The following VARS2 variants were observed in gnomAD, a reference collection of about 807,000 sequenced individuals.
VARS2 encodes the protein valine--tRNA ligase, mitochondrial.
A neutral mutation model predicts 154.1 loss-of-function variants in VARS2; 105 were observed. The observed-to-expected ratio is 0.68, with a 90% confidence interval of 0.58 to 0.80. The LOEUF is 0.80. VARS2 is among the 30% of genes least tolerant of loss of function. The pLI is 0.00. For synonymous variants in VARS2, 483 were observed against 539.5 expected (o/e 0.90, Z 1.45); for missense variants, 1,157 against 1,361.4 (o/e 0.85, Z 2.36).
Position 30,915,980 on chromosome 6 carries a change from G to C in VARS2, c.507-1G>C. 4.3e-6 allele frequency: 7 copies of C among 1,614,026 alleles called. No homozygotes were observed. The highest frequency in any genetic ancestry group is 5.9e-6 in the Non-Finnish European group (7 of 1,179,906). ...CTCACAGGAGGGCATTTTTGTTGCA[G>C]GCACCGGATGCGTGGGGATCAAGTG... On this transcript the variant is annotated splice_acceptor_variant, in intron 5 of 29. Transcript: ENST00000676266. LOFTEE classifies it high-confidence loss of function.
Position 30,920,374 on chromosome 6 carries a change from G to C in VARS2, c.1335G>C (p.Val445=). Residue 445 remains valine, a synonymous_variant, in exon 14 of 30, where the codon GTG becomes GTC. Transcript: ENST00000676266. This position sits in a 1 kb window ranked among gnomAD's most constrained non-coding sequence, Gnocchi z 4.6. Reference sequence around the variant, plus strand: ...TGGCCCGGGAAAAGATAATGTCTGTGCTGAGTGAATGGGGCCTGTTCCGGG... The same window carrying C: ...TGGCCCGGGAAAAGATAATGTCTGTCCTGAGTGAATGGGGCCTGTTCCGGG... ...RFVAREKIMS[V]LSEWGLFRGL... 1.2e-6 allele frequency: 2 copies of C among 1,613,440 alleles called. No homozygotes were observed. The highest frequency in any genetic ancestry group is 1.7e-6 in the Non-Finnish European group (2 of 1,179,732).
In VARS2 at chr6:30,914,940, A is replaced by T; in HGVS notation, c.104A>T (p.His35Leu). 6.2e-7 allele frequency: 1 copy of T among 1,613,064 alleles called. No homozygotes were observed. The highest frequency in any genetic ancestry group is 8.5e-7 in the Non-Finnish European group (1 of 1,180,034). The change falls in exon 2 of 30, where the codon CAT becomes CTT. Residue 35 changes from histidine to leucine, a missense_variant. By Grantham distance (99) the His-to-Leu change is moderately conservative. Coordinates refer to ENST00000676266, the MANE Select transcript of VARS2 (RefSeq NM_020442.6). ...TCCGTTTCTACACAGTCGGAGCCCC[A>T]TGGATCTCCCATCTCCCGGAGGAAC... ...FHSVSTQSEP[H>L]GSPISRRNRE... is the part of the protein sequence containing the mutation.
In VARS2 at chr6:30,915,443, A is replaced by AC; in HGVS notation, c.374dup (p.Glu126ArgfsTer83). ...GGTGGGTACGAGAGGGCTTCTTCAAACCAGAATATCAGGTTAGTATCTGGC... is the reference window on the plus strand; with the variant it reads ...GGTGGGTACGAGAGGGCTTCTTCAAACCCAGAATATCAGGTTAGTATCTGGC... On this transcript the variant is annotated frameshift_variant, in exon 4 of 30. Coordinates refer to ENST00000676266, the MANE Select transcript of VARS2 (RefSeq NM_020442.6). LOFTEE classifies it high-confidence loss of function. The AC allele has an allele frequency of 6.2e-7, 1 of 1,614,014 alleles. No homozygotes were observed. The highest frequency in any genetic ancestry group is 8.5e-7 in the Non-Finnish European group (1 of 1,180,020).
At position 30,915,838 on chromosome 6, in the gene VARS2, G is replaced by A. The variant is rs374999734; in HGVS notation, c.477G>A (p.Thr159=). Residue 159 remains threonine, a synonymous_variant, in exon 5 of 30, where the codon ACG becomes ACA. Transcript: ENST00000676266. ...CCCTGCACATTGGCCACGCACTCAC[G>A]GTGGCCATACAGGATGCCCTCGTGC... ...TGSLHIGHAL[T]VAIQDALVRW... is the part of the protein sequence containing the mutation. 3.7e-6 allele frequency: 6 copies of A among 1,613,940 alleles called. No homozygotes were observed. The highest frequency in any genetic ancestry group is 2.2e-5 in the East Asian group (1 of 44,888).
In VARS2 at chr6:30,917,777, C is replaced by A. The variant is rs1354896197; in HGVS notation, c.956C>A (p.Ser319Tyr). The A allele has an allele frequency of 1.1e-5, 17 of 1,561,446 alleles. No individual in the cohort carries two copies. Among genetic ancestry groups the A allele is most frequent in the Non-Finnish European group, 1.5e-5 (17 of 1,152,198 alleles). The change falls in exon 10 of 30, where the codon TCT becomes TAT. Residue 319 changes from serine to tyrosine, a missense_variant. Coordinates refer to ENST00000676266, the MANE Select transcript of VARS2 (RefSeq NM_020442.6). The surrounding 1 kb of genome is among the most constrained non-coding windows in gnomAD (Gnocchi z 4.4). ...PTPVSFGLLF[S>Y]VAFPVDGEPD... The stretch of plus-strand genomic sequence containing the variant: ...CCCGTGTCTTTTGGCCTCCTATTTT[C>A]TGTTGCCTTCCCCGTGGATGGAGAG...
Position 30,917,875 on chromosome 6 carries a change from G to A in VARS2, c.985+69G>A. On this transcript the variant is annotated intron_variant, in intron 10 of 29. Transcript: ENST00000676266. This position sits in a 1 kb window ranked among gnomAD's most constrained non-coding sequence, Gnocchi z 4.4. ...TCCTGTTTTCTGAAGCCCATGTTGG[G>A]CTGCTAGGAACCCATCAGTCCATCT... 6.8e-7 allele frequency: 1 copy of A among 1,470,858 alleles called. No homozygotes were observed. Among genetic ancestry groups the A allele is most frequent in the African/African-American group, 1.4e-5 (1 of 71,548 alleles). The allele number at this position is 1,470,858 out of a possible 1,614,324, so 91.1% of individuals were successfully genotyped here.
rs375218896 is a variant in VARS2 at position 30,917,818 on chromosome 6, A to G, written c.985+12A>G. The G allele has an allele frequency of 6.4e-6, 10 of 1,550,622 alleles. No homozygotes were observed. Among genetic ancestry groups the G allele is most frequent in the African/African-American group, 1.4e-5 (1 of 72,788 alleles). On this transcript the variant is annotated intron_variant, in intron 10 of 29. Coordinates refer to ENST00000676266, the MANE Select transcript of VARS2 (RefSeq NM_020442.6). The surrounding 1 kb of genome is among the most constrained non-coding windows in gnomAD (Gnocchi z 4.4). Reference sequence around the variant, plus strand: ...GGATGGAGAGCCTGGTGAGCATAGTACTCTGCAGGGTCACCCGTTTACCTC... The same window carrying G: ...GGATGGAGAGCCTGGTGAGCATAGTGCTCTGCAGGGTCACCCGTTTACCTC...
chr6:30,925,754 T>C, intron 28 of VARS2, 35 bp downstream of exon 28: 1 of 1,610,692 alleles, frequency 6.2e-7, no homozygotes, highest in Non-Finnish European at 8.5e-7. Flanking sequence ...TAGGGCAGGC[T>C]TGGGAAGCAT....
At position 30,922,553 on chromosome 6, in the gene VARS2, A is replaced by G. The variant is rs144112557; in HGVS notation, c.2036A>G (p.Gln679Arg). 59 of 1,557,708 alleles carry G rather than the reference A, an allele frequency of 3.8e-5. No homozygotes were observed. The African/African-American group carries it at 6.6e-4, about 17-fold the overall frequency. Residue 679 changes from glutamine to arginine, a missense_variant and splice_region_variant, in exon 21 of 30, where the codon CAG (glutamine) becomes CGG (arginine). Physicochemically the swap from Gln to Arg is conservative, Grantham distance 43. Transcript: ENST00000676266. ...PRDIISGVEMQVLQEKLRSGN... is the reference protein window; with the variant it reads ...PRDIISGVEMRVLQEKLRSGN... Reference sequence around the variant, plus strand: ...GACATCATCAGTGGGGTGGAGATGCAGGTGAGGACGAAGCACCCACTAGAG... The same window carrying G: ...GACATCATCAGTGGGGTGGAGATGCGGGTGAGGACGAAGCACCCACTAGAG...
chr6:30,916,373 TGGAAG>T lies in VARS2; in HGVS notation c.671+125_671+129del. On this transcript the variant is annotated intron_variant, in intron 7 of 29. Transcript: ENST00000676266. This position sits in a 1 kb window ranked among gnomAD's most constrained non-coding sequence, Gnocchi z 4.0. ...GACACAGCTCTGACTTCCTCAGAGA[TGGAAG>T]CTCTGGAGCCTGTTAACATTTGGTG... The T allele has an allele frequency of 1.3e-6, 1 of 777,684 alleles. No individual in the cohort carries two copies. Among genetic ancestry groups the T allele is most frequent in the South Asian group, 1.9e-5 (1 of 52,218 alleles). 48.2% of individuals were successfully genotyped at this position (777,684 alleles called of 1,614,324 possible).
At position 30,921,499 on chromosome 6, in the gene VARS2, T is replaced by C; in HGVS notation, c.1633-90T>C. 1 of 1,502,204 alleles carries C rather than the reference T, an allele frequency of 6.7e-7. No individual in the cohort carries two copies. Among genetic ancestry groups the C allele is most frequent in the East Asian group, 2.4e-5 (1 of 41,472 alleles). The allele number at this position is 1,502,204 out of a possible 1,614,324, so 93.1% of individuals were successfully genotyped here. On this transcript the variant is annotated intron_variant, in intron 17 of 29. Coordinates refer to ENST00000676266, the MANE Select transcript of VARS2 (RefSeq NM_020442.6). The surrounding 1 kb of genome is among the most constrained non-coding windows in gnomAD (Gnocchi z 4.6). ...CACCCCTGGGGGAACCTGGCCACTC[T>C]AAGACCACATGAGGACGTGAAAACC... is the stretch of plus-strand genomic sequence containing the variant.
chr6:30,918,626 C>A, intron 10 of VARS2: 1 of 702,996 alleles, frequency 1.4e-6, no homozygotes, highest in Non-Finnish European at 2.3e-6. Flanking sequence ...GAGACCCTCT[C>A]AGACCTCTGG....
Position 30,916,476 on chromosome 6 carries a change from G to A in VARS2, c.671+227G>A, listed in dbSNP as rs9262287. 108,021 of 320,126 alleles carry A rather than the reference G, an allele frequency of 0.34. 16,499 individuals are homozygous for A. Among genetic ancestry groups the A allele is most frequent in the Non-Finnish European group, 0.37 (71,489 of 193,202 alleles). The allele number at this position is 320,126 out of a possible 1,614,324, so 19.8% of individuals were successfully genotyped here. ...TTCGTGTGTGTGTGTGTGTGTGTGT[G>A]TATTTATATATATATATATATTTTC... On this transcript the variant is annotated intron_variant, in intron 7 of 29. Transcript: ENST00000676266. The surrounding 1 kb of genome is among the most constrained non-coding windows in gnomAD (Gnocchi z 4.0).
chr6:30,923,041 A>G, intron 23 of VARS2, 63 bp from the exon 24 acceptor site: 1 of 1,607,356 alleles, frequency 6.2e-7, no homozygotes, highest in South Asian at 1.1e-5. Context: ...GGGGCAGGGC[A>G]GGGGCAGGAC....
chr6:30,921,298 A>G lies in VARS2; in HGVS notation c.1625A>G (p.His542Arg), dbSNP rs2150561733. Residue 542 changes from histidine to arginine, a missense_variant, in exon 17 of 30, where the codon CAT becomes CGT. By Grantham distance (29) the His-to-Arg change is conservative (BLOSUM62 0). Coordinates refer to ENST00000676266, the MANE Select transcript of VARS2 (RefSeq NM_020442.6). The surrounding 1 kb of genome is among the most constrained non-coding windows in gnomAD (Gnocchi z 4.6). The stretch of plus-strand genomic sequence containing the variant: ...CCAGCCTACCTGGTTGTAGAGGACC[A>G]TGCGCAGGTGGGTAGGAAGAAGCAC... ...QIPAYLVVED[H>R]AQGEEDCWVV... The G allele has an allele frequency of 1.2e-6, 2 of 1,614,118 alleles. No homozygotes were observed. The highest frequency in any genetic ancestry group is 8.5e-7 in the Non-Finnish European group (1 of 1,179,992).
chr6:30,923,484 C>A lies in VARS2; in HGVS notation c.2445C>A (p.His815Gln). The change falls in exon 25 of 30, where the codon CAC (histidine) becomes CAA (glutamine). Residue 815 changes from histidine (H) to glutamine (Q), a missense_variant. By Grantham distance (24) the His-to-Gln change is conservative. Coordinates refer to ENST00000676266, the MANE Select transcript of VARS2 (RefSeq NM_020442.6). ...VTHALHHFWL[H>Q]NLCDVYLEAV... ...ATGCCCTGCACCACTTCTGGCTTCA[C>A]AACCTCTGTGACGTCTACCTGGTGA... 6.2e-7 allele frequency: 1 copy of A among 1,611,546 alleles called. No individual in the cohort carries two copies. The highest frequency in any genetic ancestry group is 1.1e-5 in the South Asian group (1 of 91,072).
In VARS2 at chr6:30,922,498, A is replaced by G. The variant is rs1794586639; in HGVS notation, c.1981A>G (p.Lys661Glu). 6.3e-7 allele frequency: 1 copy of G among 1,596,666 alleles called. No individual in the cohort carries two copies. The highest frequency in any genetic ancestry group is 1.7e-5 in the Admixed American group (1 of 57,548). The change falls in exon 21 of 30, where the codon AAG becomes GAG. Residue 661 changes from lysine to glutamate, a missense_variant. By Grantham distance (56) the Lys-to-Glu change is moderately conservative. Coordinates refer to ENST00000676266, the MANE Select transcript of VARS2 (RefSeq NM_020442.6). ...GGACAGGCAGGGCCGGAAGATGAGCAAGTCCCTGGGGAATGTGCTGGACCC... is the reference window on the plus strand; with the variant it reads ...GGACAGGCAGGGCCGGAAGATGAGCGAGTCCCTGGGGAATGTGCTGGACCC... ...VRDRQGRKMS[K>E]SLGNVLDPRD...
chr6:30,920,438 T>G lies in VARS2; in HGVS notation c.1397+2T>G. ...CCCCATGGTACTGCCCATCTGCAGG[T>G]AACCTCATTTTAACTCCTTTACTAA... On this transcript the variant is annotated splice_donor_variant, in intron 14 of 29. Coordinates refer to ENST00000676266, the MANE Select transcript of VARS2 (RefSeq NM_020442.6). LOFTEE classifies it high-confidence loss of function. The surrounding 1 kb of genome is among the most constrained non-coding windows in gnomAD (Gnocchi z 4.6). 1.7e-5 allele frequency: 27 copies of G among 1,600,802 alleles called. No homozygotes were observed. Among genetic ancestry groups the G allele is most frequent in the Non-Finnish European group, 2.3e-5 (27 of 1,175,348 alleles).
rs752978869 is a variant in VARS2, at chr6:30,916,163, G to T, written c.585G>T (p.Glu195Asp). The T allele has an allele frequency of 1.4e-5, 22 of 1,613,996 alleles. No homozygotes were observed. Among genetic ancestry groups the T allele is most frequent in the Non-Finnish European group, 1.8e-5 (21 of 1,179,880 alleles). Residue 195 changes from glutamate (E) to aspartate (D), a missense_variant, in exon 7 of 30, where the codon GAG becomes GAT. Coordinates refer to ENST00000676266, the MANE Select transcript of VARS2 (RefSeq NM_020442.6). The surrounding 1 kb of genome is among the most constrained non-coding windows in gnomAD (Gnocchi z 4.0). ...HAGIATQAVV[E>D]KQLWKERGVR... ...GAATCCAACTGCAGGCTGTGGTGGA[G>T]AAACAACTGTGGAAGGAACGGGGAG...
Sources: allele counts gnomAD v4.1 joint callset, GRCh38; gene constraint gnomAD v4.1.1; non-coding constraint Gnocchi (gnomAD v3.1); transcripts MANE v1.5; gene names NCBI Gene and HGNC (gene_info 2026-07-23, HGNC 2026-07-21).